The following KLHL33 variants were observed in gnomAD, a reference collection of about 807,000 sequenced individuals.
KLHL33 encodes kelch like family member 33.
KLHL33 carries 46 observed loss-of-function variants against 60.8 expected under a neutral mutation model. That is an observed-to-expected ratio of 0.76 (90% CI 0.60 to 0.97). The LOEUF (loss-of-function observed/expected upper bound fraction) is 0.97, where lower values mean the gene tolerates loss of function less well. Ranked by LOEUF, KLHL33 falls within the 50% of genes least tolerant of loss-of-function variation. The probability of loss-of-function intolerance (pLI) is 0.00; values close to 1 mark genes in which losing one functional copy is unlikely to be tolerated. For synonymous variants in KLHL33, 434 were observed against 432.2 expected (o/e 1.00, Z -0.05); for missense variants, 1,055 against 1,000.0 (o/e 1.05, Z -0.74).
rs917411425 is a variant in KLHL33 at position 20,428,980 on chromosome 14, G to A, written c.2263C>T (p.Leu755=). The A allele has an allele frequency of 6.4e-7, 1 of 1,551,572 alleles. No homozygotes were observed. The highest frequency in any genetic ancestry group is 2.0e-5 in the Admixed American group (1 of 50,986). The change falls in exon 5 of 5, where the codon CTG becomes TTG. Residue 755 remains leucine, a synonymous_variant. Coordinates refer to ENST00000636854, the MANE Select transcript of KLHL33 (RefSeq NM_001365790.2). The part of the protein sequence containing the change: ...SHLIHAYCPG[L]GRWLCLGTLP... ...GTTCCCAGGCAGAGCCATCGGCCCA[G>A]GCCAGGACAGTAGGCATGGATAAGG... is the stretch of plus-strand genomic sequence containing the variant.
intron 2 of KLHL33, among the ~76,000 whole-genome samples, chr14:20,432,926 A>AAAAGAAGAAAGAAAGAAAG (rs1555330503): frequency 9.6e-5 from 10 of 104,672 alleles, no homozygotes; most frequent in African/African-American, 3.8e-4. Context: ...CATCTCAAAA[A>AAAAGAAGAAAGAAAGAAAG]AAAGAAAGAA....
intron 2 of KLHL33, among the ~76,000 whole-genome samples, chr14:20,432,986 G>GAAAGAAAGAAAGAAAT (rs1208142467): frequency 2.6e-5 from 4 of 151,624 alleles, no homozygotes; most frequent in Admixed American, 1.3e-4. Context: ...AAGAAAGAAA[G>GAAAGAAAGAAAGAAAT]AGAGAAATTA....
chr14:20,432,926 A>AAAAGAAAGAAGGAAAGAAAGAAAGAAAG (rs545614220), intron 2 of KLHL33, among the ~76,000 whole-genome samples: 1 of 104,672 alleles, frequency 9.6e-6, no homozygotes, highest in Non-Finnish European at 1.8e-5. Flanking sequence ...CATCTCAAAA[A>AAAAGAAAGAAGGAAAGAAAGAAAGAAAG]AAAGAAAGAA....
rs1234160275 is a variant in KLHL33 at position 20,429,492 on chromosome 14, G to A, written c.1841+10C>T. On this transcript the variant is annotated intron_variant, in intron 4 of 4. Transcript: ENST00000636854. ...CCTAATCTCTCCCAGATGCCCCCTT[G>A]CCTGCTTACCTCCAGACATTGAGCT... is the stretch of plus-strand genomic sequence containing the variant. 1.3e-6 allele frequency: 2 copies of A among 1,552,014 alleles called. No individual in the cohort carries two copies. Among genetic ancestry groups the A allele is most frequent in the Non-Finnish European group, 1.7e-6 (2 of 1,147,002 alleles).
Position 20,429,561 on chromosome 14 carries a change from T to C in KLHL33, c.1782A>G (p.Arg594=), listed in dbSNP as rs1361297865. 23 of 1,552,242 alleles carry C rather than the reference T, an allele frequency of 1.5e-5. No homozygotes were observed. The highest frequency in any genetic ancestry group is 1.8e-5 in the Non-Finnish European group (21 of 1,147,122). The change falls in exon 4 of 5, where the codon AGA becomes AGG. Residue 594 remains arginine, a synonymous_variant. Transcript: ENST00000636854. ...LDGKLYALGG[R]HNDVALDSVE... ...CAGAGTCCAGGGCAACATCATTGTG[T>C]CTTCCACCCAGGGCATAAAGTTTTC...
Position 20,429,336 on chromosome 14 carries a change from T to TA in KLHL33, c.1906dup (p.Tyr636LeufsTer20), listed in dbSNP as rs1441926012. 2.6e-6 allele frequency: 4 copies of TA among 1,551,716 alleles called. No homozygotes were observed. The African/African-American group carries it at 5.5e-5, about 21-fold the overall frequency. On this transcript the variant is annotated frameshift_variant, in exon 5 of 5. Transcript: ENST00000636854. LOFTEE classifies it high-confidence loss of function. The stretch of plus-strand genomic sequence containing the variant: ...AGTCCCACCACAGCCACCGCTCACG[T>TA]ACAACTGGCCCTCCAAAATCGCAGC...
rs1274663195 is a variant in KLHL33 at position 20,430,070 on chromosome 14, C to G, written c.1398G>C (p.Glu466Asp). The G allele has an allele frequency of 6.4e-7, 1 of 1,551,802 alleles. No individual in the cohort carries two copies. ...GTGCCCGGTCAGGCTCCCTCCGTCT[C>G]TCTTGGCCTGGAACATCAGCCTCTA... ...LMVEADVPGQ[E>D]RRREPDRALV... Residue 466 changes from glutamate to aspartate, a missense_variant, in exon 3 of 5, where the codon GAG (glutamate) becomes GAC (aspartate). Coordinates refer to ENST00000636854, the MANE Select transcript of KLHL33 (RefSeq NM_001365790.2).
chr14:20,435,645 C>A lies in KLHL33; in HGVS notation c.167G>T (p.Gly56Val). 1 of 1,234,620 alleles carries A rather than the reference C, an allele frequency of 8.1e-7. No homozygotes were observed. Among genetic ancestry groups the A allele is most frequent in the Non-Finnish European group, 1.0e-6 (1 of 988,332 alleles). 76.5% of individuals were successfully genotyped at this position (1,234,620 alleles called of 1,614,324 possible). ...RLPSFPLEEPGSRPLVPRNLP... is the reference protein window; with the variant it reads ...RLPSFPLEEPVSRPLVPRNLP... Reference sequence around the variant, plus strand: ...GTTCCTTGGGACCAGGGGCCTGGAACCAGGCTCCTCCAGAGGAAAGGAAGG... The same window carrying A: ...GTTCCTTGGGACCAGGGGCCTGGAAACAGGCTCCTCCAGAGGAAAGGAAGG... Residue 56 changes from glycine to valine, a missense_variant, in exon 2 of 5, where the codon GGT becomes GTT. Physicochemically the swap from Gly to Val is moderately radical, Grantham distance 109. Coordinates refer to ENST00000636854, the MANE Select transcript of KLHL33 (RefSeq NM_001365790.2).
chr14:20,429,942 A>G lies in KLHL33; in HGVS notation c.1526T>C (p.Val509Ala), dbSNP rs1880438192. 2 of 1,551,676 alleles carry G rather than the reference A, an allele frequency of 1.3e-6. No individual in the cohort carries two copies. Among genetic ancestry groups the G allele is most frequent in the Non-Finnish European group, 1.7e-6 (2 of 1,147,014 alleles). Residue 509 changes from valine to alanine, a missense_variant, in exon 3 of 5, where the codon GTA (valine) becomes GCA (alanine). Transcript: ENST00000636854. Reference sequence around the variant, plus strand: ...CAGCTGCCCCCACTCAACAGTTCGTACCAGTCCCACGCCACAGCGGAAGGC... The same window carrying G: ...CAGCTGCCCCCACTCAACAGTTCGTGCCAGTCCCACGCCACAGCGGAAGGC... ...ARAFRCGVGLVRTVEWGQLPA... is the reference protein window; with the variant it reads ...ARAFRCGVGLARTVEWGQLPA...
In KLHL33 at chr14:20,427,895, C is replaced by G. The variant is rs903850949; in HGVS notation, c.*954G>C. 1 of 152,252 alleles carries G rather than the reference C, an allele frequency of 6.6e-6. No homozygotes were observed. Among genetic ancestry groups the G allele is most frequent in the Non-Finnish European group, 1.5e-5 (1 of 68,092 alleles). 9.4% of individuals were successfully genotyped at this position (152,252 alleles called of 1,614,324 possible). A position where few individuals can be genotyped will look rare whatever the true frequency, so the allele number is the denominator to read the frequency against. On this transcript the variant is annotated 3_prime_UTR_variant, in exon 5 of 5. Transcript: ENST00000636854. ...TAAAGGGAAATGGATTTAAAAATAA[C>G]TCTGGGGGAAAGGAACTGAAAGGGG...
At chr14:20,434,077 T>C (rs1299187835) in intron 2 of KLHL33, among the ~76,000 whole-genome samples, 1 of 152,214 alleles carries the variant, frequency 6.6e-6, no homozygotes, top group African/African-American at 2.4e-5. Context: ...GTTCCTTATG[T>C]GCACCTGTAG....
chr14:20,435,856 C>T, intron 1 of KLHL33, 26 bp from the exon 2 acceptor site: 1 of 1,232,640 alleles, frequency 8.1e-7, no homozygotes, highest in African/African-American at 1.5e-5. Context: ...GGCAAGACAG[C>T]CTGGCGTCAG....
intron 2 of KLHL33, among the ~76,000 whole-genome samples, chr14:20,434,852 A>G (rs1880631925): frequency 6.6e-6 from 1 of 152,218 alleles, no homozygotes; most frequent in African/African-American, 2.4e-5. Flanking sequence ...ACAGAGGGTC[A>G]GTTTAAATCT....
At chr14:20,433,333 G>T (rs1880582358) in intron 2 of KLHL33, among the ~76,000 whole-genome samples, 1 of 152,176 alleles carries the variant, frequency 6.6e-6, no homozygotes, top group Non-Finnish European at 1.5e-5. Context: ...GTCACAGAGG[G>T]CCAAGCTGTT....
Position 20,430,330 on chromosome 14 carries a change from C to T in KLHL33, c.1138G>A (p.Ala380Thr), listed in dbSNP as rs771071543. The change falls in exon 3 of 5, where the codon GCT becomes ACT. Residue 380 changes from alanine (A) to threonine (T), a missense_variant. Coordinates refer to ENST00000636854, the MANE Select transcript of KLHL33 (RefSeq NM_001365790.2). ...TCCAGGAGCTCAGCCAAGCAGGCAG[C>T]TGGTAAAGAAGGGAAAGCAGGACAC... Reference protein sequence around the residue: ...ALCPAFPSLPAACLAELLDSD... With the variant: ...ALCPAFPSLPTACLAELLDSD... 1 of 1,551,886 alleles carries T rather than the reference C, an allele frequency of 6.4e-7. No homozygotes were observed. The highest frequency in any genetic ancestry group is 1.4e-5 in the African/African-American group (1 of 73,176).
Position 20,426,865 on chromosome 14 carries a change from A to G in KLHL33, c.*1984T>C, listed in dbSNP as rs1336057613. On this transcript the variant is annotated 3_prime_UTR_variant, in exon 5 of 5. Transcript: ENST00000636854. ...TACTATGCAGCCATAAAAAATGATGAGTTCATGTCCTTTGTAGGGACATGG... is the reference window on the plus strand; with the variant it reads ...TACTATGCAGCCATAAAAAATGATGGGTTCATGTCCTTTGTAGGGACATGG... The G allele has an allele frequency of 6.6e-6, 1 of 152,034 alleles. No homozygotes were observed. The highest frequency in any genetic ancestry group is 2.4e-5 in the African/African-American group (1 of 41,368). The allele number at this position is 152,034 out of a possible 1,614,324, so 9.4% of individuals were successfully genotyped here.
rs890238056 is a variant in KLHL33, at chr14:20,435,717, T to A, written c.95A>T (p.Gln32Leu). 1.6e-6 allele frequency: 2 copies of A among 1,234,666 alleles called. No homozygotes were observed. Among genetic ancestry groups the A allele is most frequent in the Admixed American group, 8.4e-5 (2 of 23,702 alleles). The allele number at this position is 1,234,666 out of a possible 1,614,324, so 76.5% of individuals were successfully genotyped here. The stretch of plus-strand genomic sequence containing the variant: ...GGAGGGAGGCCAGGAAGGGGTTCTC[T>A]GGGCGTGCACAAGGAGTCCAAGGCA... ...RDCLGLLVHA[Q>L]RTPSWPPSPD... Residue 32 changes from glutamine (Q) to leucine (L), a missense_variant, in exon 2 of 5, where the codon CAG becomes CTG. Transcript: ENST00000636854.
rs5807035 is a variant in KLHL33, at chr14:20,434,542, GAA to G, written c.748+520_748+521del. 7.7e-3 allele frequency among the ~76,000 whole-genome samples: 1,087 copies of G among 141,922 alleles called. 19 individuals are homozygous for G. The highest frequency in any genetic ancestry group is 0.026 in the African/African-American group (1,007 of 38,430). 93.1% of individuals were successfully genotyped at this position (141,922 alleles called of 152,430 possible). A position where few individuals can be genotyped will look rare whatever the true frequency, so the allele number is the denominator to read the frequency against. Reference sequence around the variant, plus strand: ...GGCAACAGAGTGAGATGCTGTCTCAGAAAAAAAAAAAAAAAGTGCCACGGCCT... The same window carrying G: ...GGCAACAGAGTGAGATGCTGTCTCAGAAAAAAAAAAAAAGTGCCACGGCCT... On this transcript the variant is annotated intron_variant, in intron 2 of 4. Coordinates refer to ENST00000636854, the MANE Select transcript of KLHL33 (RefSeq NM_001365790.2).
At position 20,429,987 on chromosome 14, in the gene KLHL33, C is replaced by A. The variant is rs369825651; in HGVS notation, c.1481G>T (p.Arg494Leu). The change falls in exon 3 of 5, where the codon CGA becomes CTA. Residue 494 changes from arginine to leucine, a missense_variant. Arg to Leu is a moderately radical substitution (Grantham distance 102, BLOSUM62 -2). Coordinates refer to ENST00000636854, the MANE Select transcript of KLHL33 (RefSeq NM_001365790.2). ...RPDMALRQPS[R>L]AVWWARAFRC... ...GAAGGCCCGGGCCCACCACACTGCTCGGGATGGTTGTCTTAGGGCCATGTC... is the reference window on the plus strand; with the variant it reads ...GAAGGCCCGGGCCCACCACACTGCTAGGGATGGTTGTCTTAGGGCCATGTC... 1 of 1,551,682 alleles carries A rather than the reference C, an allele frequency of 6.4e-7. No individual in the cohort carries two copies.
Sources: allele counts gnomAD v4.1 joint callset (sites outside exome capture counted in the v4.1 genomes callset), GRCh38; gene constraint gnomAD v4.1.1; transcripts MANE v1.5; gene names NCBI Gene and HGNC (gene_info 2026-07-23, HGNC 2026-07-21).